KIAA0513: variants seen among roughly 807,000 people sequenced by gnomAD.
The protein encoded by KIAA0513 is uncharacterized protein KIAA0513.
A neutral mutation model predicts 56.5 loss-of-function variants in KIAA0513; 39 were observed. The observed-to-expected ratio is 0.69, with a 90% CI of 0.53 to 0.90. KIAA0513 has a LOEUF of 0.90. Among genes scored for constraint, KIAA0513 ranks in the 40% least tolerant of loss-of-function variants. KIAA0513 has a pLI of 0.00. For missense variants in KIAA0513, 591 were observed against 535.2 expected, an observed-to-expected ratio of 1.10 and a Z score of -1.03; for synonymous variants, 268 against 215.6, an observed-to-expected ratio of 1.24 and a Z score of -2.13.
chr16:85,079,502 A>T (rs1052235312), intron 8 of KIAA0513: 1 of 157,958 alleles, frequency 6.3e-6, no homozygotes, highest in Admixed American at 6.1e-5. Context: ...TAGCAGGGAT[A>T]GACCTGGGAA....
At chr16:85,070,170 CAAAA>C (rs541754961) in intron 2 of KIAA0513, among the ~76,000 whole-genome samples, 1 of 91,954 alleles carries the variant, frequency 1.1e-5, no homozygotes, top group African/African-American at 4.7e-5. Context: ...GACCCTGTCT[CAAAA>C]AAAAAAAAAG....
At position 85,071,831 on chromosome 16, in the gene KIAA0513, C is replaced by G. The variant is rs760056325; in HGVS notation, c.378C>G (p.Ser126Arg). The change falls in exon 3 of 13, where the codon AGC (serine) becomes AGG (arginine). Residue 126 changes from serine (S) to arginine (R), a missense_variant. By Grantham distance (110) the Ser-to-Arg change is moderately radical. Transcript: ENST00000683363. Reference sequence around the variant, plus strand: ...AAGCCAAGTTTGGAGAGTACTGCAGCAGTGAAAATGGAAAAGGCCGGGAGT... The same window carrying G: ...AAGCCAAGTTTGGAGAGTACTGCAGGAGTGAAAATGGAAAAGGCCGGGAGT... ...EEKAKFGEYC[S>R]SENGKGREWF... is the part of the protein sequence containing the mutation. 6.2e-7 allele frequency: 1 copy of G among 1,606,372 alleles called. No homozygotes were observed. Among genetic ancestry groups the G allele is most frequent in the South Asian group, 1.1e-5 (1 of 90,894 alleles).
intron 1 of KIAA0513, among the ~76,000 whole-genome samples, chr16:85,064,180 A>G (rs1025512024): frequency 2.2e-4 from 34 of 151,260 alleles, no homozygotes; most frequent in African/African-American, 7.3e-4. Context: ...TAATTTTTGT[A>G]TTTTGAGTAG....
intron 1 of KIAA0513, among the ~76,000 whole-genome samples, chr16:85,060,558 G>A (rs1374359320): frequency 6.6e-6 from 1 of 152,240 alleles, no homozygotes; most frequent in Non-Finnish European, 1.5e-5. Context: ...TGAAGGTCAG[G>A]CCAGGCACGG....
At chr16:85,053,696 CA>C (rs2073286661) in intron 1 of KIAA0513, among the ~76,000 whole-genome samples, 1 of 151,794 alleles carries the variant, frequency 6.6e-6, no homozygotes, top group Admixed American at 6.6e-5. Flanking sequence ...GTTGTCACTA[CA>C]AAAAAATTTT....
At chr16:85,035,866 G>C (rs1014211891) in intron 1 of KIAA0513, among the ~76,000 whole-genome samples, 9 of 151,724 alleles carry the variant, frequency 5.9e-5, no homozygotes, top group African/African-American at 2.2e-4. Flanking sequence ...TCGTAGTCCA[G>C]CTACTTGGGA....
intron 1 of KIAA0513, among the ~76,000 whole-genome samples, chr16:85,030,462 G>A (rs2072948500): frequency 6.6e-6 from 1 of 152,158 alleles, no homozygotes; most frequent in Non-Finnish European, 1.5e-5. Context: ...AAGCCATAGG[G>A]CTGGGCGCGG....
chr16:85,080,242 C>G (rs187647256), intron 8 of KIAA0513, among the ~76,000 whole-genome samples: 32 of 152,314 alleles, frequency 2.1e-4, no homozygotes, highest in Admixed American at 1.8e-3. Context: ...CTCCTCTGTC[C>G]TTGACTTGGC....
chr16:85,067,293 C>G lies in KIAA0513; in HGVS notation c.222C>G (p.Ser74=). 6.2e-7 allele frequency: 1 copy of G among 1,613,722 alleles called. No homozygotes were observed. Among genetic ancestry groups the G allele is most frequent in the African/African-American group, 1.3e-5 (1 of 75,060 alleles). Residue 74 remains serine (S), a synonymous_variant, in exon 2 of 13, where the codon TCC becomes TCG. Transcript: ENST00000683363. ...GGGACCAAGACCGCCGTTCCTCCTC[C>G]AACGAGTCCTTCTCCTCCAACCAGA... ...PSWDQDRRSS[S]NESFSSNQST...
rs981543190 is a variant in KIAA0513 at position 85,076,080 on chromosome 16, G to A, written c.574+166G>A. Among the ~76,000 whole-genome samples the A allele has an allele frequency of 2.6e-5, 4 of 152,156 alleles. No homozygotes were observed. Among genetic ancestry groups the A allele is most frequent in the African/African-American group, 9.7e-5 (4 of 41,408 alleles). ...TGAGACTTCGGAGAAAACACAGTCC[G>A]AATCATGGGGCAGGAGGTTGACTGC... On this transcript the variant is annotated intron_variant, in intron 5 of 12. Coordinates refer to ENST00000683363, the MANE Select transcript of KIAA0513 (RefSeq NM_001388359.1). This position sits in a 1 kb window ranked among gnomAD's most constrained non-coding sequence, Gnocchi z 4.7.
intron 1 of KIAA0513, among the ~76,000 whole-genome samples, chr16:85,037,098 C>G (rs1033854666): frequency 2.8e-4 from 42 of 152,170 alleles, no homozygotes; most frequent in African/African-American, 9.9e-4. Flanking sequence ...TTATTTTTTT[C>G]TCTTCATGAC....
In KIAA0513 at chr16:85,072,962, A is replaced by G. The variant is rs1319776460; in HGVS notation, c.467A>G (p.Tyr156Cys). The change falls in exon 4 of 13, where the codon TAC becomes TGC. Residue 156 changes from tyrosine to cysteine, a missense_variant. Transcript: ENST00000683363. ...AAGTGTGTCTCAGAGGCAACCTTCT[A>G]CCGCCTGGTGCAGTCTTTTGCAGTG... ...NSKCVSEATF[Y>C]RLVQSFAVVL... 3.1e-6 allele frequency: 5 copies of G among 1,614,030 alleles called. No individual in the cohort carries two copies. The Admixed American group carries it at 6.7e-5, about 22-fold the overall frequency.
Position 85,079,041 on chromosome 16 carries a change from T to A in KIAA0513, c.902+38T>A, listed in dbSNP as rs369193431. ...CCGCGGCTTCCCGTCACCCTCTTAC[T>A]GACGGGGCCAGCAGTCACTCCCCGG... On this transcript the variant is annotated intron_variant, in intron 8 of 12. Coordinates refer to ENST00000683363, the MANE Select transcript of KIAA0513 (RefSeq NM_001388359.1). The A allele has an allele frequency of 5.6e-6, 9 of 1,613,830 alleles. No individual in the cohort carries two copies. The African/African-American group carries it at 9.3e-5, about 17-fold the overall frequency.
chr16:85,053,479 G>T (rs1027244105), intron 1 of KIAA0513, among the ~76,000 whole-genome samples: 6 of 152,234 alleles, frequency 3.9e-5, no homozygotes, highest in Admixed American at 1.3e-4. Context: ...AATTAATAGG[G>T]TGTAAGGATA....
chr16:85,043,611 C>T (rs1051697903), intron 1 of KIAA0513, among the ~76,000 whole-genome samples: 2 of 151,670 alleles, frequency 1.3e-5, no homozygotes, highest in African/African-American at 4.8e-5. Flanking sequence ...TGAGATTTCA[C>T]CATATTAGCC....
intron 1 of KIAA0513, among the ~76,000 whole-genome samples, chr16:85,037,731 G>A (rs2073053645): frequency 6.6e-6 from 1 of 152,158 alleles, no homozygotes; most frequent in Admixed American, 6.6e-5. Context: ...TTATGAGTCT[G>A]CTCTTGTGGA....
At chr16:85,033,301 G>A (rs943350546) in intron 1 of KIAA0513, among the ~76,000 whole-genome samples, 1 of 152,104 alleles carries the variant, frequency 6.6e-6, no homozygotes, top group Non-Finnish European at 1.5e-5. Context: ...CTCCCAGCAG[G>A]GACGCCACAG....
At chr16:85,072,474 G>A (rs111243075) in intron 3 of KIAA0513, among the ~76,000 whole-genome samples, 11,634 of 144,230 alleles carry the variant, frequency 0.081, 630 homozygotes, top group African/African-American at 0.16. Flanking sequence ...TATCCAATAG[G>A]TTCTTTTTTT....
At position 85,090,132 on chromosome 16, in the gene KIAA0513, T is replaced by C. The variant is rs1191415204; in HGVS notation, c.*1807T>C. The stretch of plus-strand genomic sequence containing the variant: ...AACGGGCATGTCTCCACCGAATCCA[T>C]TTAGAGAAATGTCAGAGCGAGGGTT... On this transcript the variant is annotated 3_prime_UTR_variant, in exon 13 of 13. Coordinates refer to ENST00000683363, the MANE Select transcript of KIAA0513 (RefSeq NM_001388359.1). 1 of 151,830 alleles carries C rather than the reference T, an allele frequency of 6.6e-6. No homozygotes were observed. The highest frequency in any genetic ancestry group is 1.5e-5 in the Non-Finnish European group (1 of 67,982). 9.4% of individuals were successfully genotyped at this position (151,830 alleles called of 1,614,324 possible). A position where few individuals can be genotyped will look rare whatever the true frequency, so the allele number is the denominator to read the frequency against.
Sources: allele counts gnomAD v4.1 joint callset (sites outside exome capture counted in the v4.1 genomes callset), GRCh38; gene constraint gnomAD v4.1.1; non-coding constraint Gnocchi (gnomAD v3.1); transcripts MANE v1.5; gene names NCBI Gene and HGNC (gene_info 2026-07-23, HGNC 2026-07-21).